CDH17: variants seen among roughly 807,000 people sequenced by gnomAD.
CDH17 encodes the protein cadherin 17.
In CDH17, 67 loss-of-function variants were observed where a neutral mutation model predicts 86.3. The ratio of observed to expected loss-of-function variants is 0.78; its 90% confidence interval spans 0.64 to 0.95. The LOEUF is 0.95. CDH17 is among the 40% of genes least tolerant of loss of function. The pLI is 0.00. For synonymous variants in CDH17, 367 were observed against 366.4 expected (o/e 1.00, Z -0.02); for missense variants, 993 against 1,017.6 (o/e 0.98, Z 0.33).
At chr8:94,193,283 G>T (rs1813721441) in intron 2 of CDH17, among the ~76,000 whole-genome samples, 1 of 152,200 alleles carries the variant, frequency 6.6e-6, no homozygotes, top group Admixed American at 6.5e-5. Flanking sequence ...TTAGCAGTGT[G>T]CTCAGTGCTG....
rs750691090 is a variant in CDH17 at position 94,177,666 on chromosome 8, A to T, written c.206T>A (p.Ile69Lys). 2.9e-5 allele frequency: 47 copies of T among 1,613,724 alleles called. No individual in the cohort carries two copies. Among genetic ancestry groups the T allele is most frequent in the Non-Finnish European group, 3.9e-5 (46 of 1,179,792 alleles). Residue 69 changes from isoleucine to lysine, a missense_variant, in exon 4 of 18, where the codon ATA becomes AAA. Ile to Lys is a moderately radical substitution (Grantham distance 102, BLOSUM62 -3). Transcript: ENST00000027335. ...AAGTCCCTCCCGTTCTATCACAAAT[A>T]TGTTGTCTGTCTCCCCAGTTAGTTC... ...TFELTGETDN[I>K]FVIEREGLLY... is the part of the protein sequence containing the mutation.
Position 94,160,188 on chromosome 8 carries a change from A to T in CDH17, c.1360-26T>A, listed in dbSNP as rs574816167. On this transcript the variant is annotated intron_variant, in intron 11 of 17. Coordinates refer to ENST00000027335, the MANE Select transcript of CDH17 (RefSeq NM_004063.4). ...CTAAGGAGAAAATGGAGAAGGAAAC[A>T]ATGAGAAGGTCTGCTGTCATCAAAG... 3 of 1,567,592 alleles carry T rather than the reference A, an allele frequency of 1.9e-6. No individual in the cohort carries two copies. In the African/African-American group the frequency reaches 4.1e-5, roughly 21 times the overall value.
Position 94,200,537 on chromosome 8 carries a change from GTTTTTTTTTTT to G in CDH17, c.-20-5843_-20-5833del, listed in dbSNP as rs10600702. Among the ~76,000 whole-genome samples the G allele has an allele frequency of 2.1e-4, 12 of 56,944 alleles. No homozygotes were observed. The South Asian group carries it at 5.8e-3, about 27-fold the overall frequency. The allele number at this position is 56,944 out of a possible 152,430, so 37.4% of individuals were successfully genotyped here. ...CAGAGGGTTATTATTATTATCTTTT[GTTTTTTTTTTT>G]TTTTTTTTTTTTTTTTTTTTACAAA... On this transcript the variant is annotated intron_variant, in intron 1 of 17. Transcript: ENST00000027335.
In CDH17 at chr8:94,166,706, G is replaced by C. The variant is rs147646244; in HGVS notation, c.1067-730C>G. On this transcript the variant is annotated intron_variant, in intron 9 of 17. Transcript: ENST00000027335. ...TGGAGATGAAATCATCCTGGATTTA[G>C]AGGCAGCCCTAAATTCAGTGACAGG... 8.0e-4 allele frequency among the ~76,000 whole-genome samples: 122 copies of C among 152,292 alleles called. No individual in the cohort carries two copies. The East Asian group carries it at 0.021, about 27-fold the overall frequency.
Position 94,173,956 on chromosome 8 carries a change from A to G in CDH17, c.624T>C (p.Asn208=), listed in dbSNP as rs979501377. 3 of 1,613,712 alleles carry G rather than the reference A, an allele frequency of 1.9e-6. No homozygotes were observed. The highest frequency in any genetic ancestry group is 2.5e-6 in the Non-Finnish European group (3 of 1,179,830). The change falls in exon 7 of 18, where the codon AAT becomes AAC. Residue 208 remains asparagine (N), a synonymous_variant. Transcript: ENST00000027335. Reference sequence around the variant, plus strand: ...CCATGTCCTTCACTGAGATCACCAGATTATAGGAAGGATTCTTAGCAGGAT... The same window carrying G: ...CCATGTCCTTCACTGAGATCACCAGGTTATAGGAAGGATTCTTAGCAGGAT... ...ELNPAKNPSY[N]LVISVKDMGG...
intron 14 of CDH17, 95 bp downstream of exon 14, chr8:94,148,649 C>T: frequency 9.5e-7 from 1 of 1,056,834 alleles, no homozygotes; most frequent in East Asian, 2.9e-5. Flanking sequence ...GTGTTTTGGC[C>T]CTGTCAGTTT....
At chr8:94,143,606 T>C (rs2513805) in intron 15 of CDH17, among the ~76,000 whole-genome samples, 125,502 of 152,188 alleles carry the variant, frequency 0.82, 51,901 homozygotes, top group African/African-American at 0.85. Flanking sequence ...CATTGAAAAG[T>C]TTGTTTAGTG....
chr8:94,151,957 G>C lies in CDH17; in HGVS notation c.1707C>G (p.His569Gln). ...CCTCACTGACTTTCGCTTGGAATAC[G>C]TGTTGGGAAAATTGAGGTGCTTCAT... is the stretch of plus-strand genomic sequence containing the variant. ...DVNEAPQFSQ[H>Q]VFQAKVSEDV... The change falls in exon 13 of 18, where the codon CAC (histidine) becomes CAG (glutamine). Residue 569 changes from histidine to glutamine, a missense_variant. By Grantham distance (24) the His-to-Gln change is conservative. Coordinates refer to ENST00000027335, the MANE Select transcript of CDH17 (RefSeq NM_004063.4). 1 of 1,614,168 alleles carries C rather than the reference G, an allele frequency of 6.2e-7. No individual in the cohort carries two copies. Among genetic ancestry groups the C allele is most frequent in the Non-Finnish European group, 8.5e-7 (1 of 1,180,018 alleles).
chr8:94,216,894 GGCA>G (rs1295920717), intron 1 of CDH17, among the ~76,000 whole-genome samples: 1 of 152,210 alleles, frequency 6.6e-6, no homozygotes, highest in Non-Finnish European at 1.5e-5. Context: ...GGTGAAGCCT[GGCA>G]GCAGTCATTC....
chr8:94,206,090 T>C (rs1240211091), intron 1 of CDH17, among the ~76,000 whole-genome samples: 1 of 152,098 alleles, frequency 6.6e-6, no homozygotes, highest in East Asian at 1.9e-4. Flanking sequence ...TCTTACAGAA[T>C]ATTTGAAGAG....
rs141817275 is a variant in CDH17 at position 94,191,371 on chromosome 8, T to C, written c.52-2086A>G. On this transcript the variant is annotated intron_variant, in intron 2 of 17. Coordinates refer to ENST00000027335, the MANE Select transcript of CDH17 (RefSeq NM_004063.4). Reference sequence around the variant, plus strand: ...TGCCTACTTCAGACTTCTTGTTATCTGAGGAAAATAAACCCCTATTTATTT... The same window carrying C: ...TGCCTACTTCAGACTTCTTGTTATCCGAGGAAAATAAACCCCTATTTATTT... Among the ~76,000 whole-genome samples, 4 of 152,142 alleles carry C rather than the reference T, an allele frequency of 2.6e-5. No homozygotes were observed. In the East Asian group the frequency reaches 5.8e-4, roughly 22 times the overall value.
chr8:94,214,652 C>T (rs1814169097), intron 1 of CDH17, among the ~76,000 whole-genome samples: 1 of 151,928 alleles, frequency 6.6e-6, no homozygotes, highest in Non-Finnish European at 1.5e-5. Flanking sequence ...ACAAATTGGA[C>T]TGGACTTAAT....
chr8:94,139,397 T>C (rs2130580276), intron 15 of CDH17, among the ~76,000 whole-genome samples: 1 of 152,280 alleles, frequency 6.6e-6, no homozygotes, highest in South Asian at 2.1e-4. Context: ...GAGAAAAACA[T>C]TTTTGATAAG....
chr8:94,166,337 G>T lies in CDH17; in HGVS notation c.1067-361C>A, dbSNP rs192611862. The stretch of plus-strand genomic sequence containing the variant: ...GGTGCCTTCACAGCACCTTCCTTCT[G>T]AACCTCCCTATGTCCACATTTCCTC... On this transcript the variant is annotated intron_variant, in intron 9 of 17. Coordinates refer to ENST00000027335, the MANE Select transcript of CDH17 (RefSeq NM_004063.4). Among the ~76,000 whole-genome samples the T allele has an allele frequency of 3.8e-3, 575 of 152,248 alleles. 2 individuals carry two copies. The highest frequency in any genetic ancestry group is 6.2e-3 in the Non-Finnish European group (421 of 68,006).
At chr8:94,187,158 T>C (rs191592725) in intron 3 of CDH17, among the ~76,000 whole-genome samples, 1 of 152,374 alleles carries the variant, frequency 6.6e-6, no homozygotes, top group Admixed American at 6.5e-5. Flanking sequence ...AGATAATGCA[T>C]ATGTTAATTA....
intron 1 of CDH17, chr8:94,202,068 C>T (rs901460350): frequency 7.4e-5 from 12 of 162,346 alleles, no homozygotes; most frequent in African/African-American, 1.9e-4. Context: ...TTACATTTCT[C>T]TTTTTCTGTC....
At chr8:94,212,625 T>TA (rs11431006), upstream of CDH17, among the ~76,000 whole-genome samples, 90,251 of 151,978 alleles carry the variant, frequency 0.59, 28,037 homozygotes, top group Non-Finnish European at 0.71. Flanking sequence ...TAATGCTGTT[T>TA]AAAAATCTTA....
chr8:94,145,747 C>T (rs1166933046), intron 15 of CDH17, among the ~76,000 whole-genome samples, 181 bp downstream of exon 15: 1 of 152,172 alleles, frequency 6.6e-6, no homozygotes, highest in African/African-American at 2.4e-5. Context: ...TCTTTCCTCC[C>T]TTGAAATCCT....
chr8:94,173,480 A>G (rs1813307504), intron 7 of CDH17, among the ~76,000 whole-genome samples: 2 of 152,250 alleles, frequency 1.3e-5, no homozygotes, highest in South Asian at 4.2e-4. Flanking sequence ...CCTCAACAGA[A>G]GCAGATGCTG....
Sources: allele counts gnomAD v4.1 joint callset (sites outside exome capture counted in the v4.1 genomes callset), GRCh38; gene constraint gnomAD v4.1.1; transcripts MANE v1.5; gene names NCBI Gene and HGNC (gene_info 2026-07-23, HGNC 2026-07-21).